SLC22A3: variants seen among roughly 807,000 people sequenced by gnomAD.
The protein encoded by SLC22A3 is EMT organic cation transporter 3.
In SLC22A3, 51 loss-of-function variants were observed where a neutral mutation model predicts 59.1. That is an observed-to-expected ratio of 0.86 (90% CI 0.69 to 1.09). The LOEUF (loss-of-function observed/expected upper bound fraction) is 1.09, where lower values mean the gene tolerates loss of function less well. Ranked by LOEUF, SLC22A3 falls within the 50% of genes least tolerant of loss-of-function variation. The pLI is 0.00. For synonymous variants in SLC22A3, 325 were observed against 292.0 expected, an observed-to-expected ratio of 1.11 and a Z score of -1.15; for missense variants, 711 against 726.3, an observed-to-expected ratio of 0.98 and a Z score of 0.24.
rs1384417104 is a variant in SLC22A3, at chr6:160,415,035, T to C, written c.975+4189T>C. Among the ~76,000 whole-genome samples the C allele has an allele frequency of 3.9e-5, 6 of 152,222 alleles. No individual in the cohort carries two copies. The East Asian group carries it at 9.6e-4, about 24-fold the overall frequency. ...ATCTTGTAAGTTCCAGTCTCACACA[T>C]GGAATCACCTATTTCTCCAAGGGAG... On this transcript the variant is annotated intron_variant, in intron 5 of 10. Transcript: ENST00000275300. The surrounding 1 kb of genome is among the most constrained non-coding windows in gnomAD (Gnocchi z 4.1).
At chr6:160,428,677 G>A (rs1435972946) in intron 5 of SLC22A3, among the ~76,000 whole-genome samples, 4 of 152,202 alleles carry the variant, frequency 2.6e-5, no homozygotes, top group African/African-American at 7.2e-5. Flanking sequence ...AAATGTACTC[G>A]TGTGGCTCAC....
intron 1 of SLC22A3, among the ~76,000 whole-genome samples, chr6:160,384,979 CG>C (rs1026654452): frequency 4.0e-4 from 61 of 152,308 alleles, no homozygotes; most frequent in Middle Eastern, 3.4e-3. Flanking sequence ...ACCAGCGCTC[CG>C]GGTCCTGCTC....
intron 1 of SLC22A3, among the ~76,000 whole-genome samples, chr6:160,394,242 C>G (rs542681779): frequency 6.6e-6 from 1 of 152,328 alleles, no homozygotes; most frequent in South Asian, 2.1e-4. Flanking sequence ...TGTTGGTGAT[C>G]CACAATGATC....
chr6:160,379,645 C>T (rs1436670950), intron 1 of SLC22A3, among the ~76,000 whole-genome samples: 4 of 152,198 alleles, frequency 2.6e-5, no homozygotes, highest in Non-Finnish European at 5.9e-5. Flanking sequence ...ATTCCAAATA[C>T]AAACCAGTCA....
chr6:160,392,255 C>T (rs953260489), intron 1 of SLC22A3, among the ~76,000 whole-genome samples: 4 of 152,232 alleles, frequency 2.6e-5, no homozygotes, highest in African/African-American at 9.6e-5. Context: ...ATCTTGTCTT[C>T]AGTGCCCTTC....
chr6:160,355,363 C>G (rs1026341281), intron 1 of SLC22A3, among the ~76,000 whole-genome samples: 12 of 152,154 alleles, frequency 7.9e-5, no homozygotes, highest in Non-Finnish European at 1.6e-4. Context: ...CCTCTCTTAG[C>G]CCCCGGGGCT....
intron 1 of SLC22A3, among the ~76,000 whole-genome samples, chr6:160,370,568 AT>A (rs1363485722): frequency 1.3e-5 from 2 of 152,224 alleles, no homozygotes; most frequent in Non-Finnish European, 2.9e-5. Context: ...CAATATGTAC[AT>A]TGGATTTAGT....
At chr6:160,400,984 G>GAAAAAAAAAAA (rs58532600) in intron 2 of SLC22A3, among the ~76,000 whole-genome samples, 1 of 78,554 alleles carries the variant, frequency 1.3e-5, no homozygotes, top group Non-Finnish European at 2.3e-5. Context: ...CTCCAAAACT[G>GAAAAAAAAAAA]AAAAAAAAAA....
intron 5 of SLC22A3, among the ~76,000 whole-genome samples, chr6:160,412,145 T>C (rs1316413501): frequency 6.6e-6 from 1 of 152,088 alleles, no homozygotes; most frequent in Non-Finnish European, 1.5e-5. Flanking sequence ...GTGGATCACC[T>C]GAGGTCAGGA....
rs1250077823 is a variant in SLC22A3, at chr6:160,416,919, CAG to C, written c.975+6076_975+6077del. On this transcript the variant is annotated intron_variant, in intron 5 of 10. Coordinates refer to ENST00000275300, the MANE Select transcript of SLC22A3 (RefSeq NM_021977.4). ...AATAAAAAAGAATGGGCAAGTACTT[CAG>C]AGTGTCCACACTTCTGGTGGTAGTA... Among the ~76,000 whole-genome samples the C allele has an allele frequency of 3.3e-5, 5 of 152,324 alleles. No homozygotes were observed. The East Asian group carries it at 7.7e-4, about 24-fold the overall frequency.
At chr6:160,399,027 G>T (rs1786641947) in intron 2 of SLC22A3, among the ~76,000 whole-genome samples, 1 of 152,118 alleles carries the variant, frequency 6.6e-6, no homozygotes. Flanking sequence ...ACAACAAAAG[G>T]CCCCATATCC....
chr6:160,356,327 C>T (rs2114742153), intron 1 of SLC22A3, among the ~76,000 whole-genome samples: 1 of 152,360 alleles, frequency 6.6e-6, no homozygotes, highest in African/African-American at 2.4e-5. Context: ...TGACTCCTAT[C>T]TGCTCATGGG....
At chr6:160,355,557 C>T (rs1349514302) in intron 1 of SLC22A3, among the ~76,000 whole-genome samples, 3 of 151,042 alleles carry the variant, frequency 2.0e-5, no homozygotes, top group South Asian at 2.1e-4. Context: ...GTCAGGAGAT[C>T]GAGACCATCC....
rs560270342 is a variant in SLC22A3 at position 160,384,105 on chromosome 6, T to G, written c.430-13874T>G. On this transcript the variant is annotated intron_variant, in intron 1 of 10. Coordinates refer to ENST00000275300, the MANE Select transcript of SLC22A3 (RefSeq NM_021977.4). Reference sequence around the variant, plus strand: ...CCACCAGGACCAGCTAATTCTTGTATTTTTAGTAGAGACGGGGTTTTCCCA... The same window carrying G: ...CCACCAGGACCAGCTAATTCTTGTAGTTTTAGTAGAGACGGGGTTTTCCCA... Among the ~76,000 whole-genome samples, 13 of 152,284 alleles carry G rather than the reference T, an allele frequency of 8.5e-5. No individual in the cohort carries two copies. The South Asian group carries it at 2.7e-3, about 32-fold the overall frequency.
At chr6:160,402,959 A>C (rs1278934466) in intron 2 of SLC22A3, among the ~76,000 whole-genome samples, 1 of 151,756 alleles carries the variant, frequency 6.6e-6, no homozygotes, top group Admixed American at 6.6e-5. Flanking sequence ...TAAAATCAAT[A>C]ATCTAAGCTT....
chr6:160,430,850 A>G (rs959690925), intron 5 of SLC22A3, among the ~76,000 whole-genome samples: 2 of 152,196 alleles, frequency 1.3e-5, no homozygotes, highest in African/African-American at 4.8e-5. Context: ...CAAGTGAGAC[A>G]CTGTTGATTC....
intron 4 of SLC22A3, among the ~76,000 whole-genome samples, chr6:160,409,329 T>C (rs1787155020): frequency 9.4e-6 from 1 of 105,842 alleles, no homozygotes; most frequent in African/African-American, 3.7e-5. Context: ...ATTTCATCCA[T>C]GTCCCTACAA....
chr6:160,432,584 A>C (rs1788191765), intron 5 of SLC22A3, among the ~76,000 whole-genome samples: 1 of 151,734 alleles, frequency 6.6e-6, no homozygotes, highest in Non-Finnish European at 1.5e-5. Context: ...CCCACCACCA[A>C]GCCCAGATAT....
intron 1 of SLC22A3, among the ~76,000 whole-genome samples, chr6:160,396,070 C>T (rs1786457811): frequency 3.9e-5 from 6 of 152,164 alleles, no homozygotes; most frequent in Admixed American, 6.5e-5. Context: ...AACCTACATT[C>T]GTACTCTTTC....
Sources: allele counts gnomAD v4.1 joint callset (sites outside exome capture counted in the v4.1 genomes callset), GRCh38; gene constraint gnomAD v4.1.1; non-coding constraint Gnocchi (gnomAD v3.1); transcripts MANE v1.5; gene names NCBI Gene and HGNC (gene_info 2026-07-23, HGNC 2026-07-21).